Variants in SNTG1 observed in about 807,000 individuals in gnomAD.
SNTG1 encodes gamma-1-syntrophin.
In SNTG1, 39 loss-of-function variants were observed where a neutral mutation model predicts 74.7. The ratio of observed to expected loss-of-function variants is 0.52; its 90% CI spans 0.40 to 0.68. SNTG1 has a LOEUF of 0.68. Among genes scored for constraint, SNTG1 ranks in the 30% least tolerant of loss-of-function variants. The pLI is 0.00. For missense variants in SNTG1, 685 were observed against 609.5 expected (o/e 1.12, Z -1.30); for synonymous variants, 254 against 217.1 (o/e 1.17, Z -1.49).
intron 4 of SNTG1, among the ~76,000 whole-genome samples, chr8:50,404,017 T>A (rs1053138283): frequency 3.3e-5 from 5 of 152,158 alleles, no homozygotes; most frequent in Non-Finnish European, 7.4e-5. Context: ...TACTTGTAGA[T>A]TTCATGATGA....
chr8:50,085,236 T>C (rs1822771093), intron 1 of SNTG1, among the ~76,000 whole-genome samples: 1 of 152,156 alleles, frequency 6.6e-6, no homozygotes, highest in Non-Finnish European at 1.5e-5. Flanking sequence ...GAACAAACAA[T>C]TTAGAGCACC....
intron 13 of SNTG1, among the ~76,000 whole-genome samples, chr8:50,626,015 G>A (rs1036309903): frequency 3.3e-5 from 5 of 152,082 alleles, no homozygotes; most frequent in East Asian, 1.9e-4. Flanking sequence ...GCTTCAAACC[G>A]ATTATATAAG....
chr8:50,323,112 A>C (rs1286711027), intron 2 of SNTG1, among the ~76,000 whole-genome samples: 2 of 151,920 alleles, frequency 1.3e-5, no homozygotes, highest in Non-Finnish European at 2.9e-5. Context: ...GTCTGGAAAA[A>C]AAAAAAAAAA....
intron 1 of SNTG1, among the ~76,000 whole-genome samples, chr8:49,913,073 A>G (rs1372868830): frequency 6.6e-6 from 1 of 152,320 alleles, no homozygotes; most frequent in Admixed American, 6.5e-5. Context: ...TTTCACAGTG[A>G]CCTTGATAAG....
chr8:49,913,638 A>T (rs940946521), intron 1 of SNTG1, among the ~76,000 whole-genome samples: 1 of 152,172 alleles, frequency 6.6e-6, no homozygotes, highest in African/African-American at 2.4e-5. Flanking sequence ...GAGGAGAAAC[A>T]TGTATTATTG....
chr8:50,398,758 C>G (rs928931900), intron 3 of SNTG1, among the ~76,000 whole-genome samples: 1 of 152,084 alleles, frequency 6.6e-6, no homozygotes, highest in East Asian at 1.9e-4. Flanking sequence ...GGTGAAACCC[C>G]GTCTCTACTA....
chr8:50,144,494 T>G (rs1277173765), intron 1 of SNTG1, among the ~76,000 whole-genome samples: 1 of 152,202 alleles, frequency 6.6e-6, no homozygotes, highest in African/African-American at 2.4e-5. Context: ...AGAATTTCCA[T>G]GGGTTATACA....
intron 13 of SNTG1, among the ~76,000 whole-genome samples, chr8:50,635,299 C>T (rs1047534115): frequency 6.6e-6 from 1 of 152,072 alleles, no homozygotes; most frequent in Non-Finnish European, 1.5e-5. Context: ...TCGCTACTTC[C>T]TACATTCGCT....
At chr8:50,363,221 A>G (rs926222912) in intron 2 of SNTG1, among the ~76,000 whole-genome samples, 1 of 152,186 alleles carries the variant, frequency 6.6e-6, no homozygotes, top group African/African-American at 2.4e-5. Flanking sequence ...TGAAGAAACT[A>G]TCAAGTGCCA....
chr8:50,087,442 A>G (rs1347434694), intron 1 of SNTG1, among the ~76,000 whole-genome samples: 1 of 152,184 alleles, frequency 6.6e-6, no homozygotes, highest in African/African-American at 2.4e-5. Context: ...TGTTTCAATA[A>G]TGTCAAGCCT....
At chr8:50,170,981 G>A (rs1167735273) in intron 1 of SNTG1, among the ~76,000 whole-genome samples, 3 of 152,132 alleles carry the variant, frequency 2.0e-5, no homozygotes, top group African/African-American at 7.2e-5. Flanking sequence ...GATCGATCAA[G>A]TATGGCCACC....
intron 1 of SNTG1, among the ~76,000 whole-genome samples, chr8:50,102,277 T>A (rs200302893): frequency 5.9e-5 from 9 of 151,360 alleles, no homozygotes; most frequent in East Asian, 3.9e-4. Flanking sequence ...GATATCTCAT[T>A]GTGGTTTTGA....
chr8:49,934,393 G>A (rs1289280253), intron 1 of SNTG1, among the ~76,000 whole-genome samples: 2 of 151,580 alleles, frequency 1.3e-5, no homozygotes, highest in Non-Finnish European at 1.5e-5. Context: ...ATATTATCAT[G>A]TAGACTTTCT....
At position 49,912,135 on chromosome 8, in the gene SNTG1, A is replaced by G. The variant is rs898348064; in HGVS notation, c.-199A>G. ...ACAGAATGGTCTTGAGTGGATTGCA[A>G]CTGTTTTGGAAATAGCTTTGTGAAA... On this transcript the variant is annotated 5_prime_UTR_variant, in exon 1 of 19. Transcript: ENST00000642720. 2.6e-5 allele frequency: 4 copies of G among 152,250 alleles called. No homozygotes were observed. Among genetic ancestry groups the G allele is most frequent in the Non-Finnish European group, 5.9e-5 (4 of 68,062 alleles). 9.4% of individuals were successfully genotyped at this position (152,250 alleles called of 1,614,324 possible).
Position 50,718,023 on chromosome 8 carries a change from T to C in SNTG1, c.1284+9045T>C, listed in dbSNP as rs191303881. Among the ~76,000 whole-genome samples the C allele has an allele frequency of 2.4e-4, 37 of 152,308 alleles. No homozygotes were observed. The Middle Eastern group carries it at 0.014, about 56-fold the overall frequency. On this transcript the variant is annotated intron_variant, in intron 17 of 18. Transcript: ENST00000642720. ...TTTGTGCTTTTGGAGGTCTCTGTCC[T>C]TTTAGCCCAATGAAGATTGATGTTG...
At chr8:50,569,372 A>G (rs1222320402) in intron 12 of SNTG1, among the ~76,000 whole-genome samples, 1 of 151,808 alleles carries the variant, frequency 6.6e-6, no homozygotes, top group Non-Finnish European at 1.5e-5. Context: ...CCATCTTTCT[A>G]TATTTTACAC....
intron 17 of SNTG1, among the ~76,000 whole-genome samples, chr8:50,719,456 T>A (rs559203769): frequency 1.3e-5 from 2 of 152,284 alleles, no homozygotes; most frequent in African/African-American, 4.8e-5. Flanking sequence ...GGACTTCCAG[T>A]CTCCAGAACT....
intron 17 of SNTG1, among the ~76,000 whole-genome samples, chr8:50,726,754 C>T (rs546188327): frequency 9.9e-5 from 15 of 152,042 alleles, no homozygotes; most frequent in South Asian, 4.2e-4. Flanking sequence ...GAGGCTGAAG[C>T]GGGAGAAAGG....
intron 1 of SNTG1, among the ~76,000 whole-genome samples, chr8:50,054,541 A>T (rs1188330632): frequency 3.9e-5 from 6 of 152,048 alleles, no homozygotes; most frequent in Non-Finnish European, 7.4e-5. Flanking sequence ...ATCATTTTTC[A>T]TACTGTTGCC....
Sources: gnomAD v4.1 joint callset for allele counts (sites outside exome capture counted in the v4.1 genomes callset) on GRCh38, gnomAD v4.1.1 for gene constraint, MANE v1.5 for transcripts, NCBI Gene and HGNC (gene_info 2026-07-23, HGNC 2026-07-21) for gene names.